Variants in PRSS23 observed in about 807,000 individuals in gnomAD.
The protein encoded by PRSS23 is serine protease 23.
In PRSS23, 25 loss-of-function variants were observed where a neutral mutation model predicts 34.7. The ratio of observed to expected loss-of-function variants is 0.72; its 90% confidence interval spans 0.53 to 1.01. The LOEUF is 1.01. Among genes scored for constraint, PRSS23 ranks in the 50% least tolerant of loss-of-function variants. PRSS23 has a pLI of 0.00. For missense variants in PRSS23, 445 were observed against 475.6 expected, an observed-to-expected ratio of 0.94 and a Z score of 0.60; for synonymous variants, 176 against 186.6, an observed-to-expected ratio of 0.94 and a Z score of 0.46.
chr11:86,841,339 C>CAA (rs58223921), intron 2 of PRSS23, among the ~76,000 whole-genome samples: 1,068 of 103,482 alleles, frequency 0.01, 27 homozygotes, highest in African/African-American at 0.03. Flanking sequence ...AACTCCATCT[C>CAA]AAAAAAAAAA....
intron 2 of PRSS23, among the ~76,000 whole-genome samples, chr11:86,871,798 A>G (rs1948685916): frequency 6.6e-6 from 1 of 152,240 alleles, no homozygotes; most frequent in African/African-American, 2.4e-5. Context: ...TGAGACTCAT[A>G]AGATGACAAG....
At chr11:86,938,014 T>C (rs1022302632) in intron 2 of PRSS23, among the ~76,000 whole-genome samples, 2 of 152,316 alleles carry the variant, frequency 1.3e-5, no homozygotes, top group Admixed American at 6.5e-5. Flanking sequence ...GTTCTGCACA[T>C]TTTCAAAGAG....
At chr11:86,871,916 G>T (rs1948686846) in intron 2 of PRSS23, among the ~76,000 whole-genome samples, 1 of 152,222 alleles carries the variant, frequency 6.6e-6, no homozygotes. Flanking sequence ...GAGAAAATAT[G>T]TATATATGTG....
chr11:86,820,774 T>A (rs1948245969), intron 1 of PRSS23, among the ~76,000 whole-genome samples: 1 of 152,194 alleles, frequency 6.6e-6, no homozygotes, highest in Non-Finnish European at 1.5e-5. Flanking sequence ...ACCTCTTTAG[T>A]AAAGGGCTTG....
intron 2 of PRSS23, chr11:86,833,189 C>G: frequency 8.8e-7 from 1 of 1,136,264 alleles, no homozygotes; most frequent in South Asian, 1.2e-5. Context: ...TAGGAGATGA[C>G]TCTGCTGTGA....
intron 2 of PRSS23, among the ~76,000 whole-genome samples, chr11:86,839,420 C>T (rs1948431143): frequency 6.6e-6 from 1 of 151,938 alleles, no homozygotes; most frequent in Non-Finnish European, 1.5e-5. Flanking sequence ...GGGAAAAAAC[C>T]TAACAAAGCC....
chr11:86,840,247 T>G (rs1281125367), intron 2 of PRSS23, among the ~76,000 whole-genome samples: 1 of 151,858 alleles, frequency 6.6e-6, no homozygotes, highest in Non-Finnish European at 1.5e-5. Flanking sequence ...AATAAAAGGA[T>G]GGAGGAAGAT....
At chr11:86,861,364 C>G (rs1414367264) in intron 2 of PRSS23, among the ~76,000 whole-genome samples, 1 of 151,800 alleles carries the variant, frequency 6.6e-6, no homozygotes, top group African/African-American at 2.4e-5. Context: ...TGTACACCCT[C>G]TCTGATATAG....
intron 2 of PRSS23, among the ~76,000 whole-genome samples, chr11:86,929,464 G>A (rs1167475584): frequency 6.6e-6 from 1 of 151,968 alleles, no homozygotes. Context: ...CCAACATGGC[G>A]AAACCTCATC....
chr11:86,912,537 C>G (rs1252456742), intron 2 of PRSS23, among the ~76,000 whole-genome samples: 1 of 152,156 alleles, frequency 6.6e-6, no homozygotes, highest in Non-Finnish European at 1.5e-5. Context: ...CTAACCCTTT[C>G]TTCTGTCATC....
chr11:86,933,642 A>T (rs1188481181), intron 2 of PRSS23: 1 of 152,180 alleles, frequency 6.6e-6, no homozygotes, highest in Non-Finnish European at 1.5e-5. Flanking sequence ...TATTATAGGG[A>T]GGGAGGTGCT....
At chr11:86,883,062 C>A (rs1009033453) in intron 2 of PRSS23, among the ~76,000 whole-genome samples, 1 of 152,114 alleles carries the variant, frequency 6.6e-6, no homozygotes, top group African/African-American at 2.4e-5. Flanking sequence ...TTGTTTCTTT[C>A]TGGTAAATTT....
At chr11:86,821,320 A>T in intron 1 of PRSS23, 1 of 654,548 alleles carries the variant, frequency 1.5e-6, no homozygotes, top group South Asian at 2.2e-5. Context: ...GAAAATAAAC[A>T]TGTGAAAATA....
At chr11:86,848,147 T>G (rs190096415) in intron 2 of PRSS23, among the ~76,000 whole-genome samples, 34 of 152,160 alleles carry the variant, frequency 2.2e-4, no homozygotes, top group Admixed American at 4.6e-4. Flanking sequence ...AAAGGCAGAT[T>G]TAGGGAAATT....
chr11:86,857,348 A>G (rs545329272), intron 2 of PRSS23: 154 of 283,400 alleles, frequency 5.4e-4, no homozygotes, highest in Non-Finnish European at 8.6e-4. Flanking sequence ...ACAATTTTAT[A>G]GTAAGACAAA....
Position 86,917,051 on chromosome 11 carries a change from C to T in PRSS23, c.207-34165C>T, listed in dbSNP as rs184337286. Among the ~76,000 whole-genome samples, 18 of 152,280 alleles carry T rather than the reference C, an allele frequency of 1.2e-4. No homozygotes were observed. The East Asian group carries it at 1.4e-3, about 11-fold the overall frequency. On this transcript the variant is annotated intron_variant, in intron 2 of 2. Coordinates refer to the PRSS23 transcript ENST00000533902. ...TTAAATTTGTGGAGCCGGGCGCGGT[C>T]GCTCACGCCTGTAATCCCAGCACTT...
intron 2 of PRSS23, among the ~76,000 whole-genome samples, chr11:86,878,215 C>G: frequency 6.7e-6 from 1 of 149,516 alleles, no homozygotes; most frequent in African/African-American, 2.5e-5. Context: ...TCTCCCTCTC[C>G]CTCCCCCTAC....
intron 2 of PRSS23, among the ~76,000 whole-genome samples, chr11:86,940,097 G>A (rs1478263110): frequency 6.6e-6 from 1 of 152,088 alleles, no homozygotes; most frequent in Non-Finnish European, 1.5e-5. Context: ...AGCTGGTGGG[G>A]CCCCTTAGCA....
intron 2 of PRSS23, among the ~76,000 whole-genome samples, chr11:86,824,794 A>G (rs1948286188): frequency 6.6e-6 from 1 of 152,042 alleles, no homozygotes. Context: ...CCATGTCCCT[A>G]CAAAGGACAT....
Sources: gnomAD v4.1 joint callset for allele counts (sites outside exome capture counted in the v4.1 genomes callset) on GRCh38, gnomAD v4.1.1 for gene constraint, MANE v1.5 for transcripts, NCBI Gene and HGNC (gene_info 2026-07-23, HGNC 2026-07-21) for gene names.